The following STK3 variants were observed in gnomAD, a reference collection of about 807,000 sequenced individuals.
STK3 encodes serine/threonine kinase 3.
A neutral mutation model predicts 58.0 loss-of-function variants in STK3; 41 were observed. That is an observed-to-expected ratio of 0.71 (90% CI 0.55 to 0.92). STK3 has a LOEUF of 0.92. STK3 is among the 40% of genes least tolerant of loss of function. The pLI is 0.00. For missense variants in STK3, 479 were observed against 602.7 expected, an observed-to-expected ratio of 0.79 and a Z score of 2.15; for synonymous variants, 170 against 191.0, an observed-to-expected ratio of 0.89 and a Z score of 0.91.
chr8:98,504,457 G>A (rs1458446702), intron 10 of STK3, among the ~76,000 whole-genome samples: 4 of 152,112 alleles, frequency 2.6e-5, no homozygotes, highest in Admixed American at 6.6e-5. Context: ...CATTTTGCCC[G>A]TTAGTTGATG....
chr8:98,430,668 GGT>G (rs1818313761), intron 3 of STK3: 1 of 167,148 alleles, frequency 6.0e-6, no homozygotes, highest in Middle Eastern at 3.4e-3. Flanking sequence ...GCACGATGGT[GGT>G]GTGGCTTACC....
At chr8:98,750,916 G>A (rs557177520) in intron 3 of STK3, among the ~76,000 whole-genome samples, 1 of 152,256 alleles carries the variant, frequency 6.6e-6, no homozygotes, top group East Asian at 1.9e-4. Flanking sequence ...AGTCAAGTAG[G>A]CTTTCTCTTT....
intron 9 of STK3, among the ~76,000 whole-genome samples, chr8:98,528,893 G>A: frequency 6.6e-6 from 1 of 152,100 alleles, no homozygotes; most frequent in South Asian, 2.1e-4. Context: ...CAGAGGTAAT[G>A]GCTCCTGTCT....
intron 10 of STK3, among the ~76,000 whole-genome samples, chr8:98,489,151 A>G (rs1822504511): frequency 6.6e-6 from 1 of 152,164 alleles, no homozygotes; most frequent in Non-Finnish European, 1.5e-5. Flanking sequence ...TCTTTTGCAC[A>G]TATCTATTTC....
intron 10 of STK3, among the ~76,000 whole-genome samples, chr8:98,513,742 A>G (rs1261800252): frequency 3.3e-5 from 5 of 152,180 alleles, no homozygotes; most frequent in Non-Finnish European, 1.5e-5. Flanking sequence ...TAATTCTCTG[A>G]GACCCTAGAA....
At chr8:98,656,504 T>C (rs1821542170) in intron 6 of STK3, among the ~76,000 whole-genome samples, 1 of 151,982 alleles carries the variant, frequency 6.6e-6, no homozygotes. Flanking sequence ...AAGTTTCCTT[T>C]TTTATATACT....
intron 3 of STK3, among the ~76,000 whole-genome samples, chr8:98,876,584 A>G (rs908715070): frequency 6.6e-6 from 1 of 152,148 alleles, no homozygotes; most frequent in African/African-American, 2.4e-5. Context: ...GGACCACAGG[A>G]ACACTCTCAC....
At chr8:98,422,060 G>A (rs942049788) in intron 3 of STK3, among the ~76,000 whole-genome samples, 1 of 152,160 alleles carries the variant, frequency 6.6e-6, no homozygotes, top group South Asian at 2.1e-4. Context: ...CTGCCTCATC[G>A]CTGGCCTCCA....
chr8:98,382,567 C>T (rs979475385), intron 1 of STK3, among the ~76,000 whole-genome samples: 11 of 150,520 alleles, frequency 7.3e-5, no homozygotes, highest in Non-Finnish European at 1.2e-4. Flanking sequence ...AGATTGGAGG[C>T]GGGGGGAGCC....
At chr8:98,619,283 T>A (rs1389663369) in intron 6 of STK3, among the ~76,000 whole-genome samples, 12 of 151,184 alleles carry the variant, frequency 7.9e-5, no homozygotes, top group Admixed American at 7.9e-4. Context: ...TGAAACTGGA[T>A]CCCTTCCTTA....
At chr8:98,663,895 T>C (rs1193756848) in intron 6 of STK3, among the ~76,000 whole-genome samples, 2 of 152,184 alleles carry the variant, frequency 1.3e-5, no homozygotes, top group African/African-American at 4.8e-5. Context: ...TACAACAAAC[T>C]TTTCCTTATA....
At chr8:98,807,432 A>G (rs1833956753) in intron 1 of STK3, among the ~76,000 whole-genome samples, 1 of 151,904 alleles carries the variant, frequency 6.6e-6, no homozygotes, top group South Asian at 2.1e-4. Context: ...AATTTTTTGT[A>G]TTTTTAGTAG....
chr8:98,410,203 T>C (rs949393620), intron 3 of STK3, among the ~76,000 whole-genome samples: 2 of 152,084 alleles, frequency 1.3e-5, no homozygotes, highest in Non-Finnish European at 2.9e-5. Flanking sequence ...AAATCAAAAT[T>C]GGGAGAGTCC....
chr8:98,622,289 T>G (rs1818396270), intron 6 of STK3, among the ~76,000 whole-genome samples: 1 of 151,808 alleles, frequency 6.6e-6, no homozygotes, highest in African/African-American at 2.4e-5. Context: ...AAAATTGGAT[T>G]TTTTTGGTTT....
chr8:98,792,892 C>CTGTGTGTGTG (rs1299614188), intron 1 of STK3, among the ~76,000 whole-genome samples: 3 of 98,136 alleles, frequency 3.1e-5, no homozygotes, highest in African/African-American at 1.3e-4. Context: ...GATAAAGAGA[C>CTGTGTGTGTG]TGTATGTGTG....
intron 3 of STK3, among the ~76,000 whole-genome samples, chr8:98,864,924 T>C (rs1587770190): frequency 6.6e-6 from 1 of 152,242 alleles, no homozygotes; most frequent in East Asian, 1.9e-4. Context: ...AAAGAAGAGG[T>C]AGAAAAAGCA....
chr8:98,363,431 G>A, the STK3 span, among the ~76,000 whole-genome samples: 3 of 152,242 alleles, frequency 2.0e-5, no homozygotes, highest in Non-Finnish European at 2.9e-5. Flanking sequence ...GAAGGGGCCC[G>A]GGTTCCGGTA....
At chr8:98,449,094 G>A (rs1215814977) in intron 1 of STK3, among the ~76,000 whole-genome samples, 1 of 152,100 alleles carries the variant, frequency 6.6e-6, no homozygotes, top group Non-Finnish European at 1.5e-5. Flanking sequence ...GTACTGTGAT[G>A]TTCTCTATCT....
chr8:98,553,439 T>C (rs577876794), intron 8 of STK3: 1 of 152,272 alleles, frequency 6.6e-6, no homozygotes, highest in South Asian at 2.1e-4. Flanking sequence ...ATGTAATTTA[T>C]TGAATGAATG....
Sources: gnomAD v4.1 joint callset for allele counts (sites outside exome capture counted in the v4.1 genomes callset) on GRCh38, gnomAD v4.1.1 for gene constraint, MANE v1.5 for transcripts, NCBI Gene and HGNC (gene_info 2026-07-23, HGNC 2026-07-21) for gene names.